The following ADGRV1 variants were observed in gnomAD, a reference collection of about 807,000 sequenced individuals.
ADGRV1 encodes the protein adhesion G protein-coupled receptor V1, also known as G-protein coupled receptor 98.
A neutral mutation model predicts 596.2 loss-of-function variants in ADGRV1; 359 were observed. That is an observed-to-expected ratio of 0.60 (90% confidence interval 0.55 to 0.66). The LOEUF (loss-of-function observed/expected upper bound fraction) is 0.66, where lower values mean the gene tolerates loss of function less well. Ranked by LOEUF, ADGRV1 falls within the 30% of genes least tolerant of loss-of-function variation. The pLI is 0.00. For missense variants in ADGRV1, 7,274 were observed against 7,575.6 expected, an observed-to-expected ratio of 0.96 and a Z score of 1.48; for synonymous variants, 2,681 against 2,679.2, an observed-to-expected ratio of 1.00 and a Z score of -0.02.
chr5:90,722,845 A>C (rs977015940), intron 45 of ADGRV1, among the ~76,000 whole-genome samples: 1 of 151,338 alleles, frequency 6.6e-6, no homozygotes, highest in African/African-American at 2.4e-5. Context: ...CTGAAAAGAA[A>C]GGCTGAAGAT....
chr5:90,754,323 A>G (rs1183672680), intron 54 of ADGRV1, among the ~76,000 whole-genome samples: 1 of 152,178 alleles, frequency 6.6e-6, no homozygotes, highest in Non-Finnish European at 1.5e-5. Flanking sequence ...CATCACCCAA[A>G]TAATTATTCA....
intron 4 of ADGRV1, among the ~76,000 whole-genome samples, chr5:90,621,310 T>C (rs899369553): frequency 2.0e-5 from 3 of 152,226 alleles, no homozygotes; most frequent in African/African-American, 7.2e-5. Flanking sequence ...AACTTATCTT[T>C]GAAAGAAGTG....
intron 83 of ADGRV1, among the ~76,000 whole-genome samples, chr5:90,897,143 T>A (rs1182618759): frequency 2.0e-5 from 3 of 152,248 alleles, no homozygotes; most frequent in Non-Finnish European, 4.4e-5. Flanking sequence ...GAAACAGAAT[T>A]GAATACAAAA....
intron 48 of ADGRV1, among the ~76,000 whole-genome samples, chr5:90,728,437 CTG>C (rs1258703579): frequency 2.6e-5 from 4 of 152,174 alleles, no homozygotes; most frequent in South Asian, 2.1e-4. Flanking sequence ...TTCATTCACT[CTG>C]TGTGTGTGTA....
chr5:90,856,632 T>C (rs1767049171), intron 82 of ADGRV1, among the ~76,000 whole-genome samples: 1 of 152,156 alleles, frequency 6.6e-6, no homozygotes, highest in South Asian at 2.1e-4. Context: ...ATGAACAAGG[T>C]GCTATACAGT....
At chr5:90,928,349 C>G (rs962228279) in intron 83 of ADGRV1, among the ~76,000 whole-genome samples, 17 of 151,930 alleles carry the variant, frequency 1.1e-4, no homozygotes, top group African/African-American at 3.4e-4. Context: ...TCTTTTTTCT[C>G]TAAACTTTCC....
chr5:90,835,831 G>C (rs78077121), intron 77 of ADGRV1, among the ~76,000 whole-genome samples: 4,256 of 152,198 alleles, frequency 0.028, 215 homozygotes, highest in African/African-American at 0.098. Flanking sequence ...GTTGCACACA[G>C]ACCTACCCTG....
At chr5:91,158,816 T>C (rs527785454) in intron 89 of ADGRV1, among the ~76,000 whole-genome samples, 27 of 152,074 alleles carry the variant, frequency 1.8e-4, no homozygotes, top group Admixed American at 1.2e-3. Context: ...AGTATCTCAG[T>C]TGATGCTCCA....
intron 83 of ADGRV1, among the ~76,000 whole-genome samples, chr5:90,879,565 TA>T (rs1769557753): frequency 6.6e-6 from 1 of 152,202 alleles, no homozygotes; most frequent in African/African-American, 2.4e-5. Flanking sequence ...TTGAGTTTCT[TA>T]AAATTTCAAT....
chr5:90,620,559 C>G (rs576517166), intron 4 of ADGRV1, among the ~76,000 whole-genome samples: 102 of 152,212 alleles, frequency 6.7e-4, no homozygotes, highest in African/African-American at 2.4e-3. Context: ...CCTGTTCACT[C>G]TGATGGTAGT....
intron 4 of ADGRV1, among the ~76,000 whole-genome samples, chr5:90,620,170 C>T (rs553329431): frequency 8.9e-4 from 136 of 152,212 alleles, no homozygotes; most frequent in African/African-American, 3.2e-3. Flanking sequence ...TCTGAGGAAT[C>T]GCCACACTGA....
chr5:91,108,314 C>A (rs554949415), intron 87 of ADGRV1, among the ~76,000 whole-genome samples: 1 of 151,986 alleles, frequency 6.6e-6, no homozygotes, highest in Admixed American at 6.6e-5. Flanking sequence ...TTTTACCCCC[C>A]GAATGGCTTT....
chr5:90,750,419 GTCGTTTTCAC>G, intron 52 of ADGRV1, 122 bp from the exon 53 acceptor site: 1 of 612,298 alleles, frequency 1.6e-6, no homozygotes. Context: ...TTTTTTAATT[GTCGTTTTCAC>G]TTACTATGTC....
At chr5:90,662,091 C>T (rs115830578) in intron 21 of ADGRV1, among the ~76,000 whole-genome samples, 1 of 149,472 alleles carries the variant, frequency 6.7e-6, no homozygotes, top group Non-Finnish European at 1.5e-5. Context: ...AGAGTATACA[C>T]AAAAATAGAG....
chr5:90,658,813 T>C (rs1217178616), intron 21 of ADGRV1, among the ~76,000 whole-genome samples: 1 of 152,180 alleles, frequency 6.6e-6, no homozygotes, highest in Non-Finnish European at 1.5e-5. Context: ...TTATCAGTTC[T>C]TTCCATGTTT....
At chr5:90,830,351 A>C (rs1490961158) in intron 77 of ADGRV1, among the ~76,000 whole-genome samples, 1 of 152,182 alleles carries the variant, frequency 6.6e-6, no homozygotes, top group Admixed American at 6.6e-5. Flanking sequence ...TTTTTATTGG[A>C]GTATTTAAGA....
chr5:90,730,761 G>T (rs183181546), intron 50 of ADGRV1, among the ~76,000 whole-genome samples: 150 of 152,296 alleles, frequency 9.8e-4, no homozygotes, highest in Admixed American at 3.3e-3. Flanking sequence ...GGCTCATGGG[G>T]TGGGTGTTCA....
chr5:90,651,925 G>C (rs1170193347), intron 18 of ADGRV1, among the ~76,000 whole-genome samples, 195 bp downstream of exon 18: 1 of 152,004 alleles, frequency 6.6e-6, no homozygotes, highest in Non-Finnish European at 1.5e-5. Flanking sequence ...CTTTTAGCTA[G>C]TAAGCAGAAA....
At chr5:90,904,345 T>C (rs1341033310) in intron 83 of ADGRV1, among the ~76,000 whole-genome samples, 5 of 152,154 alleles carry the variant, frequency 3.3e-5, no homozygotes, top group African/African-American at 1.2e-4. Context: ...CAAACTGTTC[T>C]CTGTAGTGGT....
Sources: gnomAD v4.1 joint callset for allele counts (sites outside exome capture counted in the v4.1 genomes callset) on GRCh38, gnomAD v4.1.1 for gene constraint, MANE v1.5 for transcripts, NCBI Gene and HGNC (gene_info 2026-07-23, HGNC 2026-07-21) for gene names.